Variants in DAB1 observed in about 807,000 individuals in gnomAD.
DAB1 encodes DAB adaptor protein 1, also known as disabled homolog 1.
A neutral mutation model predicts 64.6 loss-of-function variants in DAB1; 15 were observed. That is an observed-to-expected ratio of 0.23 (90% CI 0.16 to 0.36). DAB1 has a LOEUF of 0.36. DAB1 is among the 10% of genes least tolerant of loss of function. The pLI is 1.00. For synonymous variants in DAB1, 235 were observed against 251.9 expected (o/e 0.93, Z 0.64); for missense variants, 596 against 706.7 (o/e 0.84, Z 1.78).
chr1:57,957,130 C>A (rs1430910318), intron 5 of DAB1, among the ~76,000 whole-genome samples: 1 of 152,136 alleles, frequency 6.6e-6, no homozygotes, highest in East Asian at 1.9e-4. Flanking sequence ...TAGGCTTGTT[C>A]AGGAAAATGT....
intron 5 of DAB1, among the ~76,000 whole-genome samples, chr1:58,079,583 C>T (rs59146339): frequency 0.21 from 28,561 of 135,984 alleles, 2,991 homozygotes; most frequent in East Asian, 0.39. Context: ...AGTGCAATGG[C>T]GCAATCTCGG....
chr1:57,817,159 A>G (rs1651892346), intron 6 of DAB1, among the ~76,000 whole-genome samples: 1 of 152,234 alleles, frequency 6.6e-6, no homozygotes, highest in Admixed American at 6.5e-5. Context: ...CACATAATAT[A>G]TATTAAACAA....
At chr1:57,238,585 T>C (rs894046127) in intron 2 of DAB1, among the ~76,000 whole-genome samples, 4 of 152,236 alleles carry the variant, frequency 2.6e-5, no homozygotes, top group African/African-American at 9.6e-5. Context: ...CTTTCCTGGG[T>C]ATCAATCCTC....
intron 1 of DAB1, among the ~76,000 whole-genome samples, chr1:57,370,615 GAA>G (rs5774340): frequency 0.016 from 2,220 of 142,726 alleles, 38 homozygotes; most frequent in African/African-American, 0.046. Flanking sequence ...GACAAACAGA[GAA>G]AAAAAAAAAA....
At chr1:58,097,844 T>C (rs565405557) in intron 5 of DAB1, among the ~76,000 whole-genome samples, 7 of 152,076 alleles carry the variant, frequency 4.6e-5, no homozygotes, top group East Asian at 1.9e-4. Context: ...GGGTGGAAAA[T>C]AGAAAAACAG....
intron 3 of DAB1, among the ~76,000 whole-genome samples, chr1:58,479,283 A>G (rs1645449475): frequency 6.6e-6 from 1 of 152,184 alleles, no homozygotes; most frequent in African/African-American, 2.4e-5. Context: ...CAATACTCCA[A>G]TCACAAGGAG....
intron 4 of DAB1, among the ~76,000 whole-genome samples, chr1:58,181,679 C>A (rs1042842691): frequency 6.6e-6 from 1 of 152,002 alleles, no homozygotes. Context: ...TACTAAGTTA[C>A]TTCTAATAAA....
chr1:57,209,741 T>C (rs1665857648), intron 2 of DAB1, among the ~76,000 whole-genome samples: 1 of 152,328 alleles, frequency 6.6e-6, no homozygotes, highest in South Asian at 2.1e-4. Context: ...TAATGCCTAG[T>C]TCATAATACT....
chr1:58,348,072 A>G (rs1288030721), intron 3 of DAB1, among the ~76,000 whole-genome samples: 1 of 152,016 alleles, frequency 6.6e-6, no homozygotes, highest in Non-Finnish European at 1.5e-5. Context: ...TATACTTGCT[A>G]ATGCTAGGAT....
chr1:57,668,943 A>G (rs1401883511), intron 6 of DAB1, among the ~76,000 whole-genome samples: 1 of 152,128 alleles, frequency 6.6e-6, no homozygotes, highest in Non-Finnish European at 1.5e-5. Flanking sequence ...GGACAGACAC[A>G]TTATAAATAG....
intron 5 of DAB1, among the ~76,000 whole-genome samples, chr1:58,029,669 T>A (rs536585697): frequency 6.6e-6 from 1 of 152,152 alleles, no homozygotes; most frequent in Non-Finnish European, 1.5e-5. Flanking sequence ...TAATGACACT[T>A]CAAGAATGCT....
At chr1:58,291,778 A>G (rs1329857041) in intron 4 of DAB1, among the ~76,000 whole-genome samples, 1 of 152,238 alleles carries the variant, frequency 6.6e-6, no homozygotes, top group Admixed American at 6.5e-5. Context: ...CTAAGGTCAC[A>G]TAGCTAGAAA....
chr1:57,465,454 C>T (rs1024331979), intron 7 of DAB1, among the ~76,000 whole-genome samples: 1 of 152,144 alleles, frequency 6.6e-6, no homozygotes, highest in South Asian at 2.1e-4. Context: ...GAATGAATGA[C>T]ATGAATGAAC....
At chr1:57,245,213 C>A (rs1166382721) in intron 2 of DAB1, among the ~76,000 whole-genome samples, 1 of 152,144 alleles carries the variant, frequency 6.6e-6, no homozygotes. Context: ...TGGCATTTTG[C>A]CCCTGCCCTA....
chr1:57,727,760 T>TTCCTTC (rs1647246742), intron 6 of DAB1, among the ~76,000 whole-genome samples: 1 of 48,482 alleles, frequency 2.1e-5, no homozygotes, highest in African/African-American at 7.6e-5. Flanking sequence ...TTCCTTCCTC[T>TTCCTTC]CTTCCTCTCT....
At chr1:57,756,140 C>A (rs1319245732) in intron 6 of DAB1, among the ~76,000 whole-genome samples, 1 of 152,142 alleles carries the variant, frequency 6.6e-6, no homozygotes, top group African/African-American at 2.4e-5. Context: ...CTCCCGATTT[C>A]TTTTATCTAT....
At chr1:58,082,420 AAAT>A (rs1439383436) in intron 5 of DAB1, among the ~76,000 whole-genome samples, 2 of 135,196 alleles carry the variant, frequency 1.5e-5, no homozygotes, top group Admixed American at 7.0e-5. Flanking sequence ...GCCAAAACTT[AAAT>A]AAAAAAAAAA....
rs553215555 is a variant in DAB1, at chr1:58,323,127, A to T, written n.309+20225T>A. On this transcript the variant is annotated intron_variant and non_coding_transcript_variant, in intron 4 of 20. Transcript: ENST00000485760. ...CAGGGGGAGGGATAGCAGTAGGAGA[A>T]ATACCTAACGTAAATGACGACTTAA... Among the ~76,000 whole-genome samples, 581 of 152,082 alleles carry T rather than the reference A, an allele frequency of 3.8e-3. 6 individuals carry two copies. The highest frequency in any genetic ancestry group is 0.014 in the African/African-American group (562 of 41,422).
intron 6 of DAB1, among the ~76,000 whole-genome samples, chr1:57,674,552 G>A (rs138553966): frequency 1.3e-5 from 2 of 152,144 alleles, no homozygotes; most frequent in African/African-American, 4.8e-5. Flanking sequence ...CCTTTCTCAG[G>A]GGTCAGCGGT....
Sources: gnomAD v4.1 joint callset for allele counts (sites outside exome capture counted in the v4.1 genomes callset) on GRCh38, gnomAD v4.1.1 for gene constraint, MANE v1.5 for transcripts, NCBI Gene and HGNC (gene_info 2026-07-23, HGNC 2026-07-21) for gene names.